The following OSBPL10 variants were observed in gnomAD, a reference collection of about 807,000 sequenced individuals.
OSBPL10 encodes oxysterol binding protein like 10, also known as oxysterol-binding protein-related protein 10.
In OSBPL10, 49 loss-of-function variants were observed where a neutral mutation model predicts 81.7. The observed-to-expected ratio is 0.60, with a 90% CI of 0.48 to 0.76. OSBPL10 has a LOEUF of 0.76. OSBPL10 is among the 30% of genes least tolerant of loss of function. OSBPL10 has a pLI of 0.00. For missense variants in OSBPL10, 923 were observed against 987.8 expected, an observed-to-expected ratio of 0.93 and a Z score of 0.88; for synonymous variants, 419 against 383.6, an observed-to-expected ratio of 1.09 and a Z score of -1.08.
intron 7 of OSBPL10, among the ~76,000 whole-genome samples, chr3:31,688,648 A>T (rs1257656380): frequency 6.6e-6 from 1 of 152,216 alleles, no homozygotes; most frequent in East Asian, 1.9e-4. Flanking sequence ...ATATTTTTAA[A>T]TGCAGATTCT....
In OSBPL10 at chr3:31,777,444, A is replaced by AAT. The variant is rs1289502733; in HGVS notation, c.730-29326_730-29325dup. On this transcript the variant is annotated intron_variant, in intron 4 of 11. Transcript: ENST00000396556. ...CTCAGTAGACAATACAGGAAGTGCTAATGTCCCTTTCTCTGCAAGAGTGTA... is the reference window on the plus strand; with the variant it reads ...CTCAGTAGACAATACAGGAAGTGCTAATATGTCCCTTTCTCTGCAAGAGTGTA... 4.6e-5 allele frequency among the ~76,000 whole-genome samples: 7 copies of AAT among 152,298 alleles called. No individual in the cohort carries two copies. The East Asian group carries it at 1.4e-3, about 29-fold the overall frequency.
intron 2 of OSBPL10, 99 bp from the exon 3 acceptor site, chr3:31,876,611 G>A (rs1701479250): frequency 7.3e-6 from 7 of 956,476 alleles, no homozygotes; most frequent in Non-Finnish European, 9.9e-6. Context: ...GGAGCCTGGG[G>A]AGTGAGAGGT....
intron 4 of OSBPL10, among the ~76,000 whole-genome samples, chr3:31,812,273 C>T (rs567426545): frequency 2.0e-5 from 3 of 152,118 alleles, no homozygotes; most frequent in Non-Finnish European, 4.4e-5. Context: ...CTCAGGTGAT[C>T]CCCCTGCCTC....
chr3:31,908,016 G>C (rs143928382), intron 1 of OSBPL10, among the ~76,000 whole-genome samples: 1 of 152,192 alleles, frequency 6.6e-6, no homozygotes, highest in Non-Finnish European at 1.5e-5. Context: ...AGGCCTGTCT[G>C]TAAGGTGACT....
chr3:31,778,379 G>T (rs531918376), intron 4 of OSBPL10, among the ~76,000 whole-genome samples: 4 of 152,124 alleles, frequency 2.6e-5, no homozygotes, highest in East Asian at 3.9e-4. Context: ...GCTCAGACCC[G>T]CCTAACCCTG....
intron 1 of OSBPL10, among the ~76,000 whole-genome samples, chr3:31,963,999 A>C (rs1276801938): frequency 6.6e-6 from 1 of 152,032 alleles, no homozygotes; most frequent in African/African-American, 2.4e-5. Flanking sequence ...ATTCAAAGCA[A>C]TATTTCCAAA....
intron 1 of OSBPL10, among the ~76,000 whole-genome samples, chr3:31,938,601 T>C (rs1297443463): frequency 2.0e-5 from 3 of 151,952 alleles, no homozygotes; most frequent in African/African-American, 7.3e-5. Flanking sequence ...CTTGACCTCC[T>C]GGACTCAAGT....
intron 3 of OSBPL10, among the ~76,000 whole-genome samples, chr3:31,831,540 T>G (rs910153869): frequency 6.0e-5 from 9 of 150,458 alleles, no homozygotes; most frequent in Non-Finnish European, 1.2e-4. Context: ...AACTATAAAC[T>G]AGGAAAAATG....
At chr3:31,852,784 G>A (rs143493417) in intron 3 of OSBPL10, among the ~76,000 whole-genome samples, 1,959 of 152,056 alleles carry the variant, frequency 0.013, 22 homozygotes, top group Non-Finnish European at 0.021. Flanking sequence ...TCACCATATT[G>A]GCCAGGCTGG....
intron 2 of OSBPL10, chr3:31,990,651 C>A (rs760174434): frequency 3.1e-6 from 5 of 1,614,040 alleles, no homozygotes; most frequent in Non-Finnish European, 4.2e-6. Context: ...AACAAGCAAC[C>A]CTTGCACGTC....
intron 3 of OSBPL10, among the ~76,000 whole-genome samples, chr3:31,858,966 T>C (rs746350939): frequency 7.9e-5 from 12 of 152,236 alleles, no homozygotes; most frequent in Non-Finnish European, 1.8e-4. Context: ...TGGGTGAATC[T>C]GTGTTATAAA....
chr3:31,773,922 G>A (rs181718941), intron 4 of OSBPL10, among the ~76,000 whole-genome samples: 101 of 152,066 alleles, frequency 6.6e-4, no homozygotes, highest in Admixed American at 1.0e-3. Flanking sequence ...CCAACACTTT[G>A]GGAGGCCGAG....
At chr3:31,765,690 G>C (rs529978034) in intron 4 of OSBPL10, among the ~76,000 whole-genome samples, 4 of 152,220 alleles carry the variant, frequency 2.6e-5, no homozygotes, top group African/African-American at 9.6e-5. Flanking sequence ...TTTAAAATTA[G>C]CAAGTGAAAA....
At chr3:31,689,234 A>G (rs1004920647) in intron 7 of OSBPL10, among the ~76,000 whole-genome samples, 2 of 152,198 alleles carry the variant, frequency 1.3e-5, no homozygotes, top group Non-Finnish European at 2.9e-5. Flanking sequence ...AAGGCGGGGA[A>G]TTTTCTTGAC....
intron 1 of OSBPL10, among the ~76,000 whole-genome samples, chr3:31,894,905 T>A (rs1051436516): frequency 6.6e-6 from 1 of 152,184 alleles, no homozygotes; most frequent in South Asian, 2.1e-4. Flanking sequence ...TTCTAACTAA[T>A]GAGGAAAAAT....
intron 1 of OSBPL10, among the ~76,000 whole-genome samples, chr3:31,896,949 T>C (rs116788304): frequency 1.3e-5 from 2 of 152,218 alleles, no homozygotes; most frequent in African/African-American, 4.8e-5. Flanking sequence ...GGACAGGTAG[T>C]GCCTGAGCTA....
Position 31,834,945 on chromosome 3 carries a change from T to C in OSBPL10, c.538-4714A>G, listed in dbSNP as rs189660353. 3.8e-3 allele frequency among the ~76,000 whole-genome samples: 580 copies of C among 152,266 alleles called. 5 individuals carry two copies. Among genetic ancestry groups the C allele is most frequent in the African/African-American group, 0.013 (533 of 41,566 alleles). ...CTAAAGTTTAATATTACCTACTTCA[T>C]TGGGTTGTTGGAGAATGATATGAGA... is the stretch of plus-strand genomic sequence containing the variant. On this transcript the variant is annotated intron_variant, in intron 3 of 11. Transcript: ENST00000396556.
At chr3:31,789,628 C>T (rs9851048) in intron 4 of OSBPL10, among the ~76,000 whole-genome samples, 59,772 of 151,724 alleles carry the variant, frequency 0.39, 13,311 homozygotes, top group African/African-American at 0.63. Flanking sequence ...AGAAAGATAC[C>T]GTGAGGGCAA....
chr3:31,810,557 G>T (rs1190439066), intron 4 of OSBPL10, among the ~76,000 whole-genome samples: 1 of 151,956 alleles, frequency 6.6e-6, no homozygotes, highest in Non-Finnish European at 1.5e-5. Context: ...TTATGAAGGT[G>T]AATTATCTTA....
Sources: allele counts gnomAD v4.1 joint callset (sites outside exome capture counted in the v4.1 genomes callset), GRCh38; gene constraint gnomAD v4.1.1; transcripts MANE v1.5; gene names NCBI Gene and HGNC (gene_info 2026-07-23, HGNC 2026-07-21).